The following XIRP2 variants were observed in gnomAD, a reference collection of about 807,000 sequenced individuals.
XIRP2 encodes xin actin-binding repeat-containing protein 2.
XIRP2 carries 236 observed loss-of-function variants against 277.0 expected under a neutral mutation model. The ratio of observed to expected loss-of-function variants is 0.85; its 90% CI spans 0.77 to 0.95. The LOEUF (loss-of-function observed/expected upper bound fraction) is 0.95. Among genes scored for constraint, XIRP2 ranks in the 40% least tolerant of loss-of-function variants. The probability of loss-of-function intolerance (pLI) is 0.00; values close to 1 mark genes in which losing one functional copy is unlikely to be tolerated. For missense variants in XIRP2, 4,640 were observed against 4,157.5 expected, an observed-to-expected ratio of 1.12 and a Z score of -3.19; for synonymous variants, 1,490 against 1,416.5, an observed-to-expected ratio of 1.05 and a Z score of -1.17.
At chr2:167,074,500 T>C (rs578254380) in intron 2 of XIRP2, among the ~76,000 whole-genome samples, 1 of 152,336 alleles carries the variant, frequency 6.6e-6, no homozygotes, top group South Asian at 2.1e-4. Context: ...AAATTATTTA[T>C]TGCATTCATG....
At chr2:167,188,024 T>C (rs1693207940) in intron 3 of XIRP2, among the ~76,000 whole-genome samples, 3 of 152,198 alleles carry the variant, frequency 2.0e-5, no homozygotes, top group Non-Finnish European at 4.4e-5. Context: ...TAGTTCTTGC[T>C]CCAGCCAGAG....
rs144610829 is a variant in XIRP2, at chr2:167,245,435, G to T, written c.4043G>T (p.Arg1348Leu). ...KKEEVIHGDVRGTRWLFETKP... is the reference protein window; with the variant it reads ...KKEEVIHGDVLGTRWLFETKP... ...GAAGAGGTAATTCATGGAGATGTGC[G>T]AGGAACAAGGTGGCTTTTTGAAACA... Residue 1348 changes from arginine to leucine, a missense_variant, in exon 9 of 11, where the codon CGA (arginine) becomes CTA (leucine). Arg to Leu is a moderately radical substitution (Grantham distance 102). Transcript: ENST00000409195. 2 of 1,613,594 alleles carry T rather than the reference G, an allele frequency of 1.2e-6. No homozygotes were observed. The highest frequency in any genetic ancestry group is 2.2e-5 in the East Asian group (1 of 44,818).
At chr2:167,077,003 G>A (rs1689590061) in intron 2 of XIRP2, among the ~76,000 whole-genome samples, 1 of 151,822 alleles carries the variant, frequency 6.6e-6, no homozygotes, top group East Asian at 1.9e-4. Flanking sequence ...GCTCATTTTT[G>A]TGTGTTTTTT....
Position 167,247,053 on chromosome 2 carries a change from G to A in XIRP2, c.5661G>A (p.Gln1887=), listed in dbSNP as rs1695294272. 6.2e-7 allele frequency: 1 copy of A among 1,613,128 alleles called. No homozygotes were observed. The highest frequency in any genetic ancestry group is 8.5e-7 in the Non-Finnish European group (1 of 1,179,640). The change falls in exon 9 of 11, where the codon CAG becomes CAA. Residue 1887 remains glutamine (Q), a synonymous_variant. Transcript: ENST00000409195. Reference sequence around the variant, plus strand: ...GCCATCGATGGAAAGAATCTAAACAGCCTGATGCCATCCCTGGTGATATTG... The same window carrying A: ...GCCATCGATGGAAAGAATCTAAACAACCTGATGCCATCCCTGGTGATATTG... ...ESSHRWKESK[Q]PDAIPGDIEK...
intron 2 of XIRP2, among the ~76,000 whole-genome samples, chr2:167,055,108 T>C (rs1689009051): frequency 6.6e-6 from 1 of 152,240 alleles, no homozygotes; most frequent in Non-Finnish European, 1.5e-5. Context: ...ATCCGAAACC[T>C]ATTTAAGCCT....
intron 2 of XIRP2, among the ~76,000 whole-genome samples, chr2:166,910,014 C>G (rs1479158221): frequency 6.6e-6 from 1 of 152,162 alleles, no homozygotes; most frequent in East Asian, 1.9e-4. Context: ...TTCGGTTTGC[C>G]AGTATTTTAC....
At chr2:167,118,623 CA>C (rs1452168806) in intron 2 of XIRP2, among the ~76,000 whole-genome samples, 2 of 152,156 alleles carry the variant, frequency 1.3e-5, no homozygotes, top group African/African-American at 4.8e-5. Flanking sequence ...CTGGAGGATG[CA>C]GCATTCAGAA....
intron 2 of XIRP2, among the ~76,000 whole-genome samples, chr2:167,063,303 A>G (rs1041678009): frequency 6.6e-6 from 1 of 151,942 alleles, no homozygotes; most frequent in African/African-American, 2.4e-5. Context: ...ATAGTTATTG[A>G]GACTTGTTTT....
chr2:167,134,902 C>G (rs1558992213), intron 2 of XIRP2, among the ~76,000 whole-genome samples: 1 of 152,050 alleles, frequency 6.6e-6, no homozygotes, highest in African/African-American at 2.4e-5. Context: ...ACTGATGATT[C>G]ACGTCCTGGG....
At chr2:167,050,423 G>T (rs919753440) in intron 2 of XIRP2, among the ~76,000 whole-genome samples, 1 of 152,034 alleles carries the variant, frequency 6.6e-6, no homozygotes, top group Non-Finnish European at 1.5e-5. Context: ...TAGCACTATT[G>T]CTTATCCATT....
At chr2:167,227,814 AT>A (rs1216496167) in intron 5 of XIRP2, among the ~76,000 whole-genome samples, 2 of 152,126 alleles carry the variant, frequency 1.3e-5, no homozygotes, top group African/African-American at 2.4e-5. Flanking sequence ...AAATAAAGGA[AT>A]TTTTTTAATT....
chr2:166,915,311 A>G (rs1372917967), intron 2 of XIRP2, among the ~76,000 whole-genome samples: 1 of 151,110 alleles, frequency 6.6e-6, no homozygotes, highest in Non-Finnish European at 1.5e-5. Flanking sequence ...AAAAAAAAAA[A>G]AAAAAAAAAA....
At chr2:167,224,566 G>A (rs1016429367) in intron 5 of XIRP2, among the ~76,000 whole-genome samples, 9 of 151,938 alleles carry the variant, frequency 5.9e-5, no homozygotes, top group African/African-American at 2.2e-4. Flanking sequence ...ATTTCAACAT[G>A]AATTTTGAAG....
At chr2:167,077,890 G>A (rs1244337885) in intron 2 of XIRP2, among the ~76,000 whole-genome samples, 2 of 152,190 alleles carry the variant, frequency 1.3e-5, no homozygotes, top group Non-Finnish European at 2.9e-5. Flanking sequence ...GTATAGTATA[G>A]TTCGACGTTG....
intron 3 of XIRP2, among the ~76,000 whole-genome samples, chr2:167,140,222 C>G (rs1413789383): frequency 6.6e-6 from 1 of 152,144 alleles, no homozygotes; most frequent in African/African-American, 2.4e-5. Flanking sequence ...ATAGTTTTAT[C>G]ATAGAAACAG....
In XIRP2 at chr2:167,245,235, T is replaced by C; in HGVS notation, c.3843T>C (p.Thr1281=). ...GAAAGGGGTGCTTTATTTTTGAGAC[T>C]TTTTCTTTAGATGAGATTAAAGAAG... The part of the protein sequence containing the change: ...DVRKGCFIFE[T]FSLDEIKEES... Residue 1281 remains threonine (T), a synonymous_variant, in exon 9 of 11, where the codon ACT becomes ACC. Transcript: ENST00000409195. 2 of 1,613,698 alleles carry C rather than the reference T, an allele frequency of 1.2e-6. No homozygotes were observed. Among genetic ancestry groups the C allele is most frequent in the South Asian group, 2.2e-5 (2 of 91,066 alleles).
rs748617849 is a variant in XIRP2 at position 167,246,397 on chromosome 2, G to A, written c.5005G>A (p.Glu1669Lys). Residue 1669 changes from glutamate (E) to lysine (K), a missense_variant, in exon 9 of 11, where the codon GAG (glutamate) becomes AAG (lysine). Transcript: ENST00000409195. ...ACAAGCAATAAAAAACCTGTTCTCT[G>A]AGGAAAGATCTGTAAAGAAAGGCAT... ...VQQAIKNLFS[E>K]ERSVKKGILI... 6.2e-7 allele frequency: 1 copy of A among 1,613,578 alleles called. No individual in the cohort carries two copies. Among genetic ancestry groups the A allele is most frequent in the South Asian group, 1.1e-5 (1 of 91,032 alleles).
chr2:167,025,010 A>C (rs1053141857), intron 2 of XIRP2, among the ~76,000 whole-genome samples: 14 of 152,032 alleles, frequency 9.2e-5, no homozygotes, highest in South Asian at 6.2e-4. Flanking sequence ...TATTGATTGG[A>C]ATAGTTTCAG....
At chr2:167,088,709 T>C (rs1186144741) in intron 2 of XIRP2, among the ~76,000 whole-genome samples, 2 of 152,094 alleles carry the variant, frequency 1.3e-5, no homozygotes, top group East Asian at 3.9e-4. Flanking sequence ...TTCCCCCAAA[T>C]CCCTAGCACA....
Sources: allele counts gnomAD v4.1 joint callset (sites outside exome capture counted in the v4.1 genomes callset), GRCh38; gene constraint gnomAD v4.1.1; transcripts MANE v1.5; gene names NCBI Gene and HGNC (gene_info 2026-07-23, HGNC 2026-07-21).